Variants in MACF1 observed in about 807,000 individuals in gnomAD.
The protein encoded by MACF1 is microtubule actin crosslinking factor 1, also known as microtubule-actin cross-linking factor 1.
MACF1 carries 193 observed loss-of-function variants against 854.8 expected under a neutral mutation model. The observed-to-expected ratio is 0.23, with a 90% confidence interval of 0.20 to 0.25. The LOEUF is 0.25. MACF1 is among the 10% of genes least tolerant of loss of function. The probability of loss-of-function intolerance (pLI) is 1.00; values close to 1 mark genes in which losing one functional copy is unlikely to be tolerated. For synonymous variants in MACF1, 3,185 were observed against 3,226.7 expected, an observed-to-expected ratio of 0.99 and a Z score of 0.44; for missense variants, 7,722 against 8,929.1, an observed-to-expected ratio of 0.86 and a Z score of 5.45.
chr1:39,250,222 A>T (rs191602335), intron 3 of MACF1, 119 bp downstream of exon 3: 2 of 571,498 alleles, frequency 3.5e-6, no homozygotes, highest in African/African-American at 1.9e-5. Flanking sequence ...GGGAGGAAGA[A>T]GTAGAAGGAA....
At chr1:39,198,599 T>TGAGATCACGCCATTGCACTCCAGCC (rs1644351964) in intron 2 of MACF1, among the ~76,000 whole-genome samples, 1 of 145,990 alleles carries the variant, frequency 6.8e-6, no homozygotes, top group Non-Finnish European at 1.5e-5. Flanking sequence ...TGCAGTGAGC[T>TGAGATCACGCCATTGCACTCCAGCC]GAGATCACGC....
intron 42 of MACF1, among the ~76,000 whole-genome samples, 192 bp downstream of exon 42, chr1:39,349,819 G>A (rs1022938231): frequency 1.3e-5 from 2 of 152,116 alleles, no homozygotes; most frequent in African/African-American, 4.8e-5. Context: ...TTGTAGAGAT[G>A]GGGTATCACT....
chr1:39,254,542 A>G, intron 5 of MACF1, 167 bp downstream of exon 5: 1 of 607,838 alleles, frequency 1.6e-6, no homozygotes, highest in Non-Finnish European at 2.9e-6. Flanking sequence ...GGTTAGAGAA[A>G]TCATTCAGTA....
Position 39,441,247 on chromosome 1 carries a change from A to G in MACF1, c.18594A>G (p.Leu6198=). Reference sequence around the variant, plus strand: ...AGATGAATAATGCTTGGGAGAACTTAAACAAAACATGGAAAGAGAGGCTAG... The same window carrying G: ...AGATGAATAATGCTTGGGAGAACTTGAACAAAACATGGAAAGAGAGGCTAG... ...IDEMNNAWEN[L]NKTWKERLEK... Residue 6198 remains leucine, a synonymous_variant, in exon 74 of 101, where the codon TTA becomes TTG. Transcript: ENST00000564288. The G allele has an allele frequency of 6.2e-7, 1 of 1,614,180 alleles. No individual in the cohort carries two copies. The highest frequency in any genetic ancestry group is 2.2e-5 in the East Asian group (1 of 44,884).
chr1:39,371,817 T>C (rs889842400), intron 51 of MACF1, among the ~76,000 whole-genome samples: 11 of 98,518 alleles, frequency 1.1e-4, no homozygotes, highest in African/African-American at 3.3e-4. Context: ...CTTTCTTTGC[T>C]TTTTTTTTTT....
chr1:39,414,651 G>T (rs1643217468), intron 58 of MACF1: 4 of 984,550 alleles, frequency 4.1e-6, no homozygotes. Flanking sequence ...CTTTAATTTT[G>T]TCTGGTGAAA....
chr1:39,292,089 T>A (rs1344662363), intron 16 of MACF1, 51 bp downstream of exon 16: 3 of 1,604,466 alleles, frequency 1.9e-6, no homozygotes, highest in Non-Finnish European at 2.6e-6. Context: ...TTGGAACGGA[T>A]GAAAGGACAG....
rs1042955073 is a variant in MACF1, at chr1:39,300,251, C to T, written c.2523C>T (p.Ala841=). ...TTATACAGTCCAAGAGTTCCGTTGC[C>T]AGTCTCGTTGGGAGATCAAAAACCA... ...EQLIQSKSSV[A]SLVGRSKTIV... The change falls in exon 22 of 101, where the codon GCC becomes GCT. Residue 841 remains alanine (A), a synonymous_variant. Coordinates refer to ENST00000564288, the MANE Select transcript of MACF1 (RefSeq NM_001394062.1). 1 of 1,614,014 alleles carries T rather than the reference C, an allele frequency of 6.2e-7. No homozygotes were observed. The highest frequency in any genetic ancestry group is 1.3e-5 in the African/African-American group (1 of 74,958).
intron 71 of MACF1, among the ~76,000 whole-genome samples, chr1:39,438,651 G>GC (rs1644033066): frequency 6.6e-6 from 1 of 152,016 alleles, no homozygotes; most frequent in Non-Finnish European, 1.5e-5. Flanking sequence ...GGTGGCATGC[G>GC]CCTGTAATCC....
intron 6 of MACF1, among the ~76,000 whole-genome samples, chr1:39,262,473 C>A (rs1184144542): frequency 1.4e-4 from 20 of 147,092 alleles, no homozygotes; most frequent in African/African-American, 4.8e-4. Context: ...TCTAGTTGGA[C>A]TCTTATTGTT....
At chr1:39,107,028 G>C (rs1308377310) in intron 2 of MACF1, among the ~76,000 whole-genome samples, 1 of 152,158 alleles carries the variant, frequency 6.6e-6, no homozygotes, top group Non-Finnish European at 1.5e-5. Context: ...AAAGAGGTTA[G>C]ATTGTGCTGC....
chr1:39,360,520 G>A (rs1432880683), intron 47 of MACF1, among the ~76,000 whole-genome samples: 1 of 151,670 alleles, frequency 6.6e-6, no homozygotes, highest in Non-Finnish European at 1.5e-5. Context: ...TGGTCTTAAT[G>A]TCAATTATTA....
Position 39,127,663 on chromosome 1 carries a change from C to T in MACF1, c.220+43225C>T, listed in dbSNP as rs112484202. ...AACTGTTTGGCTTGAGTCTCCTTTT[C>T]TCTAAAAACTCCTAGTTCTGGAATG... On this transcript the variant is annotated intron_variant, in intron 2 of 93. Transcript: ENST00000361689. Among the ~76,000 whole-genome samples, 297 of 152,294 alleles carry T rather than the reference C, an allele frequency of 2.0e-3. 2 individuals are homozygous for T. The highest frequency in any genetic ancestry group is 6.9e-3 in the African/African-American group (286 of 41,550).
intron 58 of MACF1, among the ~76,000 whole-genome samples, chr1:39,421,073 G>A (rs1643517129): frequency 6.6e-6 from 1 of 152,042 alleles, no homozygotes; most frequent in Non-Finnish European, 1.5e-5. Context: ...CACCATGTTA[G>A]TCAGGATGGT....
At chr1:39,320,578 A>G (rs1321609345) in intron 31 of MACF1, among the ~76,000 whole-genome samples, 1 of 152,232 alleles carries the variant, frequency 6.6e-6, no homozygotes, top group East Asian at 1.9e-4. Context: ...CAATGGCTTC[A>G]TATCATAGTC....
intron 20 of MACF1, among the ~76,000 whole-genome samples, chr1:39,296,214 A>G (rs552981133): frequency 2.4e-4 from 37 of 152,110 alleles, no homozygotes; most frequent in Non-Finnish European, 3.5e-4. Context: ...AGCTTTCTTC[A>G]CAAAGTGGCT....
chr1:39,241,802 AAG>A (rs201217371), intron 2 of MACF1, among the ~76,000 whole-genome samples: 1,907 of 152,134 alleles, frequency 0.013, 19 homozygotes, highest in African/African-American at 0.02. Context: ...AAGCCTTGTT[AAG>A]AGAGTCAGGA....
chr1:39,233,994 A>T (rs1229508663), intron 2 of MACF1, among the ~76,000 whole-genome samples: 2 of 141,984 alleles, frequency 1.4e-5, no homozygotes, highest in Non-Finnish European at 3.1e-5. Flanking sequence ...GATGACTCTT[A>T]ACGAGCATGC....
At chr1:39,225,304 C>T (rs1282508302) in intron 1 of MACF1, among the ~76,000 whole-genome samples, 3 of 147,904 alleles carry the variant, frequency 2.0e-5, no homozygotes, top group African/African-American at 7.5e-5. Flanking sequence ...GCAAGCTCCG[C>T]TTCCCGGGTT....
Sources: gnomAD v4.1 joint callset for allele counts (sites outside exome capture counted in the v4.1 genomes callset) on GRCh38, gnomAD v4.1.1 for gene constraint, MANE v1.5 for transcripts, NCBI Gene and HGNC (gene_info 2026-07-23, HGNC 2026-07-21) for gene names.